ZNF599: variants seen among roughly 807,000 people sequenced by gnomAD.
ZNF599 encodes zinc finger protein 599.
Under a neutral mutation model 11.7 loss-of-function variants are expected in ZNF599, and 10 were observed. The ratio of observed to expected loss-of-function variants is 0.86; its 90% CI spans 0.53 to 1.45. The LOEUF (loss-of-function observed/expected upper bound fraction) is 1.45. Among genes scored for constraint, ZNF599 ranks in the 40% most tolerant of loss-of-function variants. The probability of loss-of-function intolerance (pLI) is 0.00; values close to 1 mark genes in which losing one functional copy is unlikely to be tolerated. For missense variants in ZNF599, 688 were observed against 713.6 expected (o/e 0.96, Z 0.41); for synonymous variants, 232 against 253.2 (o/e 0.92, Z 0.79).
upstream of ZNF599, among the ~76,000 whole-genome samples, chr19:34,777,295 T>A (rs1477876021): frequency 9.1e-6 from 1 of 109,324 alleles, no homozygotes; most frequent in East Asian, 2.5e-4. Flanking sequence ...AAATTGATCA[T>A]GTTTTGTATT....
At chr19:34,787,273 ACACT>A in the ZNF599 span, among the ~76,000 whole-genome samples, 4 of 151,782 alleles carry the variant, frequency 2.6e-5, no homozygotes, top group African/African-American at 7.3e-5. Context: ...TCATCACAAG[ACACT>A]CACATACAAT....
At chr19:34,788,855 A>G in the ZNF599 span, among the ~76,000 whole-genome samples, 1 of 152,216 alleles carries the variant, frequency 6.6e-6, no homozygotes, top group Non-Finnish European at 1.5e-5. Context: ...TATATTTGCC[A>G]TGTGCAACAT....
the ZNF599 span, among the ~76,000 whole-genome samples, chr19:34,797,692 A>C: frequency 6.6e-6 from 1 of 152,240 alleles, no homozygotes; most frequent in Non-Finnish European, 1.5e-5. Flanking sequence ...TGTGTGCATC[A>C]GCAATTTCTA....
At chr19:34,796,234 T>C in the ZNF599 span, among the ~76,000 whole-genome samples, 1 of 152,140 alleles carries the variant, frequency 6.6e-6, no homozygotes, top group Non-Finnish European at 1.5e-5. Context: ...TATTTAATCC[T>C]GGACAGGTAT....
intron 1 of ZNF599, among the ~76,000 whole-genome samples, chr19:34,770,106 A>G (rs2069173109): frequency 6.6e-6 from 1 of 152,256 alleles, no homozygotes; most frequent in Admixed American, 6.5e-5. Flanking sequence ...GTGAAAATTA[A>G]TGAGAAAATG....
At chr19:34,785,907 T>C in the ZNF599 span, among the ~76,000 whole-genome samples, 2 of 152,160 alleles carry the variant, frequency 1.3e-5, no homozygotes, top group African/African-American at 4.8e-5. Flanking sequence ...CAGTTATAGT[T>C]GGGTGCTCCA....
the ZNF599 span, among the ~76,000 whole-genome samples, chr19:34,784,353 G>A: frequency 6.6e-6 from 1 of 152,220 alleles, no homozygotes; most frequent in Admixed American, 6.5e-5. Flanking sequence ...GCACCCTCGG[G>A]ATCTCATTTT....
the ZNF599 span, among the ~76,000 whole-genome samples, chr19:34,802,341 G>C: frequency 6.6e-6 from 1 of 152,190 alleles, no homozygotes; most frequent in Admixed American, 6.5e-5. Flanking sequence ...ACAATGAGGA[G>C]GAGTGGGGTC....
At chr19:34,799,610 C>T in the ZNF599 span, among the ~76,000 whole-genome samples, 1 of 152,104 alleles carries the variant, frequency 6.6e-6, no homozygotes, top group East Asian at 1.9e-4. Flanking sequence ...GGAGAAAGGG[C>T]CTTTAAGGAC....
the ZNF599 span, among the ~76,000 whole-genome samples, chr19:34,796,247 C>A: frequency 6.6e-6 from 1 of 152,002 alleles, no homozygotes; most frequent in Non-Finnish European, 1.5e-5. Context: ...ACAGGTATAC[C>A]CAACTAGTGA....
At chr19:34,762,283 T>A (rs965806250) in intron 3 of ZNF599, among the ~76,000 whole-genome samples, 2 of 152,162 alleles carry the variant, frequency 1.3e-5, no homozygotes, top group African/African-American at 4.8e-5. Context: ...AGGACCACAA[T>A]GAGATGCCCC....
In ZNF599 at chr19:34,760,196, G is replaced by C. The variant is rs556968913; in HGVS notation, c.605C>G (p.Thr202Arg). ...TDARNNPYTC[T>R]ECGKGFSKKW... ...CTTGCTAAACCCTTTCCCACATTCC[G>C]TGCATGTGTAAGGGTTATTCCTTGC... is the stretch of plus-strand genomic sequence containing the variant. The change falls in exon 4 of 4, where the codon ACG becomes AGG. Residue 202 changes from threonine (T) to arginine (R), a missense_variant. Coordinates refer to ENST00000329285, the MANE Select transcript of ZNF599 (RefSeq NM_001007248.3). The C allele has an allele frequency of 1.2e-6, 2 of 1,614,046 alleles. No homozygotes were observed. Among genetic ancestry groups the C allele is most frequent in the Admixed American group, 3.3e-5 (2 of 60,018 alleles).
chr19:34,768,524 G>A (rs1020279674), intron 2 of ZNF599, among the ~76,000 whole-genome samples: 1 of 152,208 alleles, frequency 6.6e-6, no homozygotes, highest in African/African-American at 2.4e-5. Context: ...TCCATTAAAG[G>A]TTTAGGTGGG....
the ZNF599 span, among the ~76,000 whole-genome samples, chr19:34,783,203 T>TA: frequency 6.6e-6 from 1 of 152,158 alleles, no homozygotes; most frequent in African/African-American, 2.4e-5. Flanking sequence ...TTTCTTAACT[T>TA]ACAGTTCCCA....
chr19:34,759,527 C>T lies in ZNF599; in HGVS notation c.1274G>A (p.Cys425Tyr). The stretch of plus-strand genomic sequence containing the variant: ...ACAAAAGGCCTTCCCACATTCTTTG[C>T]ACTCAAAGGGCTTCTCTCCGGTATG... The part of the protein sequence containing the change: ...RTHTGEKPFE[C>Y]KECGKAFCDS... The change falls in exon 4 of 4, where the codon TGC (cysteine) becomes TAC (tyrosine). Residue 425 changes from cysteine to tyrosine, a missense_variant. Coordinates refer to ENST00000329285, the MANE Select transcript of ZNF599 (RefSeq NM_001007248.3). The T allele has an allele frequency of 6.2e-7, 1 of 1,614,078 alleles. No individual in the cohort carries two copies. Among genetic ancestry groups the T allele is most frequent in the South Asian group, 1.1e-5 (1 of 91,078 alleles).
At chr19:34,761,073 A>G (rs1413555842) in intron 3 of ZNF599, among the ~76,000 whole-genome samples, 2 of 152,166 alleles carry the variant, frequency 1.3e-5, no homozygotes, top group Non-Finnish European at 2.9e-5. Context: ...CAGAATGTAC[A>G]AGGGCTGAAA....
Position 34,767,413 on chromosome 19 carries a change from T to C in ZNF599, c.146-2A>G, listed in dbSNP as rs369901331. On this transcript the variant is annotated splice_acceptor_variant, in intron 2 of 3. Coordinates refer to ENST00000329285, the MANE Select transcript of ZNF599 (RefSeq NM_001007248.3). LOFTEE classifies it high-confidence loss of function. Reference sequence around the variant, plus strand: ...GCTCTGGTTTGGGAACAGGATGCCCTGTGCATGGAGAAACAAATGGAGTAT... The same window carrying C: ...GCTCTGGTTTGGGAACAGGATGCCCCGTGCATGGAGAAACAAATGGAGTAT... 3 of 1,612,856 alleles carry C rather than the reference T, an allele frequency of 1.9e-6. No individual in the cohort carries two copies. The African/African-American group carries it at 4.0e-5, about 22-fold the overall frequency.
At position 34,758,439 on chromosome 19, in the gene ZNF599, A is replaced by C. The variant is rs1420736766; in HGVS notation, c.*595T>G. 6.6e-6 allele frequency: 1 copy of C among 152,312 alleles called. No homozygotes were observed. The highest frequency in any genetic ancestry group is 1.5e-5 in the Non-Finnish European group (1 of 68,108). 9.4% of individuals were successfully genotyped at this position (152,312 alleles called of 1,614,324 possible). ...TCAAGGGTAGAGATGACAGTTTTGG[A>C]ACAATGAATACTTTTACTAAATGTT... is the stretch of plus-strand genomic sequence containing the variant. On this transcript the variant is annotated 3_prime_UTR_variant, in exon 4 of 4. Transcript: ENST00000329285.
chr19:34,787,219 TATCATCATCATC>T, the ZNF599 span, among the ~76,000 whole-genome samples: 17,706 of 148,576 alleles, frequency 0.12, 1,214 homozygotes, highest in South Asian at 0.17. Flanking sequence ...CGGCTATTTT[TATCATCATCATC>T]ATCATCATCA....
Sources: gnomAD v4.1 joint callset for allele counts (sites outside exome capture counted in the v4.1 genomes callset) on GRCh38, gnomAD v4.1.1 for gene constraint, MANE v1.5 for transcripts, NCBI Gene and HGNC (gene_info 2026-07-23, HGNC 2026-07-21) for gene names.